The following ZNF813 variants were observed in gnomAD, a reference collection of about 807,000 sequenced individuals.
ZNF813 encodes the protein zinc finger protein 813.
ZNF813 carries 3 observed loss-of-function variants against 7.2 expected under a neutral mutation model. The observed-to-expected ratio is 0.42, with a 90% CI of 0.19 to 1.08. The LOEUF (loss-of-function observed/expected upper bound fraction) is 1.08, where lower values mean the gene tolerates loss of function less well. Among genes scored for constraint, ZNF813 ranks in the 50% least tolerant of loss-of-function variants. ZNF813 has a pLI of 0.30. For synonymous variants in ZNF813, 227 were observed against 256.3 expected (o/e 0.89, Z 1.09); for missense variants, 714 against 753.3 (o/e 0.95, Z 0.61).
chr19:53,471,532 G>C (rs1472403327), intron 1 of ZNF813, among the ~76,000 whole-genome samples: 3 of 152,166 alleles, frequency 2.0e-5, no homozygotes, highest in African/African-American at 7.2e-5. Flanking sequence ...GCTTAAGGCT[G>C]GGTGCGGTGG....
chr19:53,469,850 C>T lies in ZNF813; in HGVS notation c.-74+2061C>T, dbSNP rs963064132. Among the ~76,000 whole-genome samples, 22 of 151,326 alleles carry T rather than the reference C, an allele frequency of 1.5e-4. 1 individual carries two copies. The highest frequency in any genetic ancestry group is 2.5e-4 in the Non-Finnish European group (17 of 67,832). On this transcript the variant is annotated intron_variant, in intron 1 of 3. Coordinates refer to ENST00000396403, the MANE Select transcript of ZNF813 (RefSeq NM_001004301.4). ...AATTTAACGGGGAGAGCAGAGGAGG[C>T]GCAGAGATGGTGTTGCGGGAAACTG... is the stretch of plus-strand genomic sequence containing the variant.
chr19:53,495,941 C>A lies in ZNF813; in HGVS notation c.*3855C>A. The A allele has an allele frequency of 2.9e-6, 1 of 342,368 alleles. No individual in the cohort carries two copies. The highest frequency in any genetic ancestry group is 2.8e-5 in the South Asian group (1 of 35,646). 21.2% of individuals were successfully genotyped at this position (342,368 alleles called of 1,614,324 possible). ...CCTGGCCAAGAAACAAAAGCAAAAT[C>A]ATTCCATTCCCCCAGTGGATTCAGA... is the stretch of plus-strand genomic sequence containing the variant. On this transcript the variant is annotated 3_prime_UTR_variant, in exon 4 of 4. Coordinates refer to ENST00000396403, the MANE Select transcript of ZNF813 (RefSeq NM_001004301.4).
At position 53,492,563 on chromosome 19, in the gene ZNF813, A is replaced by G; in HGVS notation, c.*477A>G. The G allele has an allele frequency of 1.7e-6, 1 of 581,240 alleles. No individual in the cohort carries two copies. 36.0% of individuals were successfully genotyped at this position (581,240 alleles called of 1,614,324 possible). ...ACCTTACAAGTGTAATGAGTCTGGC[A>G]AAGCCTTAATGAGCAGTCAACACTT... On this transcript the variant is annotated 3_prime_UTR_variant, in exon 4 of 4. Transcript: ENST00000396403.
intron 3 of ZNF813, among the ~76,000 whole-genome samples, chr19:53,488,895 G>C (rs1415689417): frequency 6.6e-6 from 1 of 152,026 alleles, no homozygotes; most frequent in Non-Finnish European, 1.5e-5. Flanking sequence ...AAATGTACTT[G>C]TTATTTGCTT....
At chr19:53,473,724 C>G (rs35108137) in intron 1 of ZNF813, among the ~76,000 whole-genome samples, 7,221 of 152,288 alleles carry the variant, frequency 0.047, 256 homozygotes, top group Middle Eastern at 0.078. Context: ...TTATGGGCTT[C>G]TTGCATGGCT....
chr19:53,472,605 G>GTTTTTTTTT (rs1252964681), intron 1 of ZNF813, among the ~76,000 whole-genome samples: 1 of 117,556 alleles, frequency 8.5e-6, no homozygotes, highest in African/African-American at 3.2e-5. Flanking sequence ...ATAAGTACAA[G>GTTTTTTTTT]TCTTTCTTTT....
At chr19:53,485,583 GAC>G (rs1343071430) in intron 2 of ZNF813, among the ~76,000 whole-genome samples, 3 of 102,050 alleles carry the variant, frequency 2.9e-5, no homozygotes, top group African/African-American at 6.8e-5. Flanking sequence ...TGTATGTCAT[GAC>G]ATATGTATGT....
At chr19:53,473,415 G>A (rs1033043808) in intron 1 of ZNF813, among the ~76,000 whole-genome samples, 2 of 152,206 alleles carry the variant, frequency 1.3e-5, no homozygotes, top group Non-Finnish European at 2.9e-5. Flanking sequence ...AGTGACCAGA[G>A]CAGGGCTGTC....
chr19:53,489,193 G>A (rs1176732539), intron 3 of ZNF813, among the ~76,000 whole-genome samples: 1 of 152,104 alleles, frequency 6.6e-6, no homozygotes, highest in East Asian at 1.9e-4. Flanking sequence ...TGTTAGTAGA[G>A]ACGGGGTTTC....
intron 1 of ZNF813, among the ~76,000 whole-genome samples, chr19:53,469,469 G>T (rs1028559158): frequency 6.6e-6 from 1 of 152,080 alleles, no homozygotes; most frequent in African/African-American, 2.4e-5. Context: ...GAAAACCTGA[G>T]AAAGAAAAGA....
At chr19:53,480,794 T>C (rs1029806989) in intron 1 of ZNF813, among the ~76,000 whole-genome samples, 9 of 152,200 alleles carry the variant, frequency 5.9e-5, no homozygotes, top group African/African-American at 2.2e-4. Flanking sequence ...TCTGGACTAA[T>C]GTTGAAAGAT....
chr19:53,469,543 G>A (rs186792546), intron 1 of ZNF813, among the ~76,000 whole-genome samples: 2 of 152,078 alleles, frequency 1.3e-5, no homozygotes, highest in African/African-American at 4.8e-5. Flanking sequence ...AAGAGACAAC[G>A]AAAGTGAAAA....
chr19:53,490,876 T>C lies in ZNF813; in HGVS notation c.644T>C (p.Phe215Ser), dbSNP rs1220513590. The change falls in exon 4 of 4, where the codon TTC (phenylalanine) becomes TCC (serine). Residue 215 changes from phenylalanine to serine, a missense_variant. By Grantham distance (155) the Phe-to-Ser change is radical (BLOSUM62 -2). Around this residue, in one of 3 missense-constraint regions of ZNF813, gnomAD observed 563 missense variants for 554.2 expected, o/e 1.02. Transcript: ENST00000396403. ...KQEVHMREKSFQCNESGKAFN... is the reference protein window; with the variant it reads ...KQEVHMREKSSQCNESGKAFN... ...GAGGTACACATGAGAGAAAAGTCTT[T>C]CCAATGTAATGAGAGTGGCAAAGCC... 1 of 1,614,092 alleles carries C rather than the reference T, an allele frequency of 6.2e-7. No individual in the cohort carries two copies. Among genetic ancestry groups the C allele is most frequent in the Non-Finnish European group, 8.5e-7 (1 of 1,180,038 alleles).
chr19:53,481,033 T>C (rs1382653752), intron 1 of ZNF813, among the ~76,000 whole-genome samples: 5 of 152,122 alleles, frequency 3.3e-5, no homozygotes, highest in Non-Finnish European at 2.9e-5. Flanking sequence ...TGGGGGTTGG[T>C]AGGAAGTGGT....
rs2086440397 is a variant in ZNF813, at chr19:53,487,648, A to G, written c.142+890A>G. ...CTCCATCTCTACTAAAAATACAAAA[A>G]TTAGCCGGACACTGTGGTGGGCATC... On this transcript the variant is annotated intron_variant, in intron 3 of 3. Transcript: ENST00000396403. 1.3e-5 allele frequency among the ~76,000 whole-genome samples: 2 copies of G among 152,086 alleles called. 1 individual carries two copies. The highest frequency in any genetic ancestry group is 4.1e-4 in the South Asian group (2 of 4,824).
chr19:53,489,855 C>T (rs1457204414), intron 3 of ZNF813, among the ~76,000 whole-genome samples: 1 of 152,040 alleles, frequency 6.6e-6, no homozygotes, highest in Non-Finnish European at 1.5e-5. Context: ...TAGGCCACCA[C>T]GCCTGGCTAC....
chr19:53,471,876 T>C (rs2086361209), intron 1 of ZNF813, among the ~76,000 whole-genome samples: 1 of 151,970 alleles, frequency 6.6e-6, no homozygotes, highest in Admixed American at 6.6e-5. Context: ...TTAAATTATC[T>C]TGTGACATTA....
In ZNF813 at chr19:53,479,370, C is replaced by T. The variant is rs1288536367; in HGVS notation, c.-73-4380C>T. The T allele has an allele frequency of 1.9e-5, 31 of 1,590,512 alleles. 1 individual carries two copies. Among genetic ancestry groups the T allele is most frequent in the Non-Finnish European group, 2.3e-5 (27 of 1,175,668 alleles). On this transcript the variant is annotated intron_variant, in intron 1 of 3. Coordinates refer to ENST00000396403, the MANE Select transcript of ZNF813 (RefSeq NM_001004301.4). ...GCACCATGGCTGGGATCACCACCATCGAGGCAGTGAAGCGCAAGATCCAGG... is the reference window on the plus strand; with the variant it reads ...GCACCATGGCTGGGATCACCACCATTGAGGCAGTGAAGCGCAAGATCCAGG...
chr19:53,490,016 A>C (rs1351451288), intron 3 of ZNF813, among the ~76,000 whole-genome samples: 1 of 152,206 alleles, frequency 6.6e-6, no homozygotes, highest in Non-Finnish European at 1.5e-5. Context: ...TGTATACAGC[A>C]AATATGCTGT....
Sources: allele counts gnomAD v4.1 joint callset (sites outside exome capture counted in the v4.1 genomes callset), GRCh38; gene constraint gnomAD v4.1.1; regional missense constraint gnomAD v4.1.1; transcripts MANE v1.5; gene names NCBI Gene and HGNC (gene_info 2026-07-23, HGNC 2026-07-21).